The following ZRANB3 variants were observed in gnomAD, a reference collection of about 807,000 sequenced individuals.
ZRANB3 encodes zinc finger RANBP2-type containing 3, also known as DNA annealing helicase and endonuclease ZRANB3.
A neutral mutation model predicts 133.8 loss-of-function variants in ZRANB3; 125 were observed. That is an observed-to-expected ratio of 0.93 (90% confidence interval 0.81 to 1.08). The LOEUF (loss-of-function observed/expected upper bound fraction) is 1.08, where lower values mean the gene tolerates loss of function less well. Among genes scored for constraint, ZRANB3 ranks in the 50% least tolerant of loss-of-function variants. ZRANB3 has a pLI of 0.00. For synonymous variants in ZRANB3, 387 were observed against 432.7 expected (o/e 0.89, Z 1.31); for missense variants, 1,229 against 1,275.5 (o/e 0.96, Z 0.56).
chr2:135,384,045 G>A (rs112606005), intron 3 of ZRANB3, among the ~76,000 whole-genome samples: 118 of 152,204 alleles, frequency 7.8e-4, no homozygotes, highest in African/African-American at 2.6e-3. Flanking sequence ...AAAAATCAAC[G>A]AATCCAGGAG....
At chr2:135,245,720 A>G (rs1292348004) in intron 12 of ZRANB3, among the ~76,000 whole-genome samples, 1 of 150,742 alleles carries the variant, frequency 6.6e-6, no homozygotes, top group Non-Finnish European at 1.5e-5. Flanking sequence ...TGAGGTTGGG[A>G]GTTCGAGAGC....
At chr2:135,204,662 TAC>T (rs1372208892) in intron 19 of ZRANB3, among the ~76,000 whole-genome samples, 1 of 139,758 alleles carries the variant, frequency 7.2e-6, no homozygotes, top group African/African-American at 2.8e-5. Flanking sequence ...TATATATATA[TAC>T]ATATATATAT....
intron 3 of ZRANB3, among the ~76,000 whole-genome samples, chr2:135,373,760 C>T: frequency 9.8e-6 from 1 of 101,600 alleles, no homozygotes; most frequent in African/African-American, 3.7e-5. Flanking sequence ...TGCAATCCAG[C>T]CTGGGTAAGA....
chr2:135,345,679 G>T, intron 5 of ZRANB3, 44 bp from the exon 6 acceptor site: 1 of 1,322,120 alleles, frequency 7.6e-7, no homozygotes, highest in South Asian at 1.3e-5. Flanking sequence ...ATATTTTCAA[G>T]TAAATTATTA....
At chr2:135,417,365 C>T (rs1166704629) in intron 2 of ZRANB3, among the ~76,000 whole-genome samples, 2 of 151,800 alleles carry the variant, frequency 1.3e-5, no homozygotes, top group African/African-American at 4.8e-5. Context: ...AAAAAATGCT[C>T]ATCATCACTG....
chr2:135,250,636 C>T (rs967530279), intron 12 of ZRANB3, among the ~76,000 whole-genome samples: 13 of 152,214 alleles, frequency 8.5e-5, no homozygotes, highest in South Asian at 4.1e-4. Context: ...AAGGGGCCGA[C>T]GTACAGCTTG....
chr2:135,259,818 A>T (rs16831494), intron 12 of ZRANB3, among the ~76,000 whole-genome samples: 29,995 of 151,784 alleles, frequency 0.2, 4,037 homozygotes, highest in African/African-American at 0.36. Context: ...ATGCACCAAG[A>T]TTCTCTTAGG....
intron 3 of ZRANB3, among the ~76,000 whole-genome samples, chr2:135,380,032 CTT>C (rs1686616699): frequency 6.6e-6 from 1 of 152,086 alleles, no homozygotes; most frequent in African/African-American, 2.4e-5. Flanking sequence ...ATAAAACAGA[CTT>C]TAAGCCAACA....
intron 2 of ZRANB3, among the ~76,000 whole-genome samples, chr2:135,470,796 ATTTC>A (rs772841692): frequency 1.1e-4 from 17 of 150,534 alleles, no homozygotes; most frequent in East Asian, 5.8e-4. Context: ...TGATCACGAA[ATTTC>A]TTTCTTTTTT....
chr2:135,310,202 G>T (rs866256314), intron 8 of ZRANB3, among the ~76,000 whole-genome samples: 13 of 152,168 alleles, frequency 8.5e-5, no homozygotes, highest in African/African-American at 3.1e-4. Context: ...CTCCCAAAGT[G>T]CTGGGATTAC....
chr2:135,328,785 G>C lies in ZRANB3; in HGVS notation c.678-13255C>G, dbSNP rs144076096. Among the ~76,000 whole-genome samples, 1,079 of 152,224 alleles carry C rather than the reference G, an allele frequency of 7.1e-3. 11 individuals are homozygous for C. Among genetic ancestry groups the C allele is most frequent in the African/African-American group, 0.024 (1,009 of 41,536 alleles). Reference sequence around the variant, plus strand: ...TGGTGTGAGATGGTATCTCATTGTGGTTTTGATTTGCATTCCTCTGATGAG... The same window carrying C: ...TGGTGTGAGATGGTATCTCATTGTGCTTTTGATTTGCATTCCTCTGATGAG... On this transcript the variant is annotated intron_variant, in intron 6 of 20. Transcript: ENST00000264159.
intron 6 of ZRANB3, among the ~76,000 whole-genome samples, chr2:135,344,980 G>A (rs1684850908): frequency 6.6e-6 from 1 of 152,126 alleles, no homozygotes; most frequent in African/African-American, 2.4e-5. Flanking sequence ...TACATGGGAA[G>A]GGAAATGGTT....
At chr2:135,270,508 T>C (rs1256714463) in intron 10 of ZRANB3, among the ~76,000 whole-genome samples, 1 of 152,182 alleles carries the variant, frequency 6.6e-6, no homozygotes, top group Non-Finnish European at 1.5e-5. Context: ...GGTCCTAGAC[T>C]CTCCTGTCTG....
intron 2 of ZRANB3, among the ~76,000 whole-genome samples, chr2:135,423,680 G>C (rs1022779110): frequency 1.3e-5 from 2 of 152,146 alleles, no homozygotes; most frequent in African/African-American, 4.8e-5. Flanking sequence ...GGAGGGTAGG[G>C]GGATATGAAC....
rs2105029190 is a variant in ZRANB3, at chr2:135,199,744, AG to A, written c.*597del. 1 of 152,904 alleles carries A rather than the reference AG, an allele frequency of 6.5e-6. No individual in the cohort carries two copies. The highest frequency in any genetic ancestry group is 2.4e-5 in the African/African-American group (1 of 41,558). 9.5% of individuals were successfully genotyped at this position (152,904 alleles called of 1,614,324 possible). A position where few individuals can be genotyped will look rare whatever the true frequency, so the allele number is the denominator to read the frequency against. ...CCCCCAAATTGTCCACAAACACCAT[AG>A]GTACCTCATTTTGAAAAGGATATTT... On this transcript the variant is annotated 3_prime_UTR_variant, in exon 21 of 21. Coordinates refer to ENST00000264159, the MANE Select transcript of ZRANB3 (RefSeq NM_032143.4).
intron 2 of ZRANB3, among the ~76,000 whole-genome samples, chr2:135,479,583 T>C (rs1289538080): frequency 2.6e-5 from 4 of 151,966 alleles, no homozygotes; most frequent in Non-Finnish European, 5.9e-5. Context: ...AGAGAATCGC[T>C]TGAATCCAGG....
intron 8 of ZRANB3, among the ~76,000 whole-genome samples, chr2:135,276,587 C>G (rs1008832833): frequency 2.0e-5 from 3 of 152,118 alleles, no homozygotes; most frequent in African/African-American, 7.2e-5. Flanking sequence ...TATCTTTTAA[C>G]TTTTAAAAAC....
chr2:135,354,116 G>A (rs1320461517), intron 3 of ZRANB3, among the ~76,000 whole-genome samples: 1 of 152,110 alleles, frequency 6.6e-6, no homozygotes, highest in Non-Finnish European at 1.5e-5. Flanking sequence ...ATCATATTAT[G>A]TTCAAACTAT....
At chr2:135,334,021 CCCTA>C (rs1684268161) in intron 6 of ZRANB3, among the ~76,000 whole-genome samples, 1 of 152,126 alleles carries the variant, frequency 6.6e-6, no homozygotes, top group African/African-American at 2.4e-5. Flanking sequence ...TGTATATTAT[CCCTA>C]CCTAACTCCG....
Sources: allele counts gnomAD v4.1 joint callset (sites outside exome capture counted in the v4.1 genomes callset), GRCh38; gene constraint gnomAD v4.1.1; transcripts MANE v1.5; gene names NCBI Gene and HGNC (gene_info 2026-07-23, HGNC 2026-07-21).